Variants in PLCZ1 observed in about 807,000 individuals in gnomAD.
PLCZ1 encodes phospholipase C zeta 1.
Under a neutral mutation model 76.8 loss-of-function variants are expected in PLCZ1, and 64 were observed. The observed-to-expected ratio is 0.83, with a 90% CI of 0.68 to 1.03. The LOEUF is 1.03. Ranked by LOEUF, PLCZ1 falls within the 50% of genes least tolerant of loss-of-function variation. The pLI is 0.00. For missense variants in PLCZ1, 751 were observed against 713.7 expected, an observed-to-expected ratio of 1.05 and a Z score of -0.60; for synonymous variants, 248 against 230.8, an observed-to-expected ratio of 1.07 and a Z score of -0.68.
chr12:18,725,002 A>G (rs1005292433), intron 3 of PLCZ1, among the ~76,000 whole-genome samples: 1 of 152,174 alleles, frequency 6.6e-6, no homozygotes, highest in Admixed American at 6.6e-5. Context: ...TTCTTCTAAA[A>G]GGTCAAAGTT....
At chr12:18,724,325 C>A (rs113275203) in intron 3 of PLCZ1, among the ~76,000 whole-genome samples, 305 of 151,954 alleles carry the variant, frequency 2.0e-3, no homozygotes, top group African/African-American at 7.0e-3. Context: ...AAATTTTAGA[C>A]AAATGAGAGA....
At chr12:18,663,460 G>T in the PLCZ1 span, among the ~76,000 whole-genome samples, 3 of 152,022 alleles carry the variant, frequency 2.0e-5, no homozygotes, top group Non-Finnish European at 2.9e-5. Context: ...TACATAGGAG[G>T]ATATGCATAG....
At chr12:18,681,195 G>T (rs1248849902), downstream of PLCZ1, among the ~76,000 whole-genome samples, 1 of 151,846 alleles carries the variant, frequency 6.6e-6, no homozygotes, top group Non-Finnish European at 1.5e-5. Flanking sequence ...CTAAAGTCTG[G>T]CTGATAGTAC....
chr12:18,673,500 A>T, the PLCZ1 span, among the ~76,000 whole-genome samples: 2 of 152,300 alleles, frequency 1.3e-5, no homozygotes, highest in East Asian at 3.9e-4. Context: ...TGAACAAACG[A>T]ACAAGGCTAG....
rs964372593 is a variant in PLCZ1, at chr12:18,696,243, T to C, written c.1198A>G (p.Arg400Gly). The C allele has an allele frequency of 3.1e-6, 5 of 1,587,460 alleles. No homozygotes were observed. The African/African-American group carries it at 5.5e-5, about 18-fold the overall frequency. Reference protein sequence around the residue: ...LRVHEFIFHTRKFITRIYPKA... With the variant: ...LRVHEFIFHTGKFITRIYPKA... ...GGATATATTCTGGTAATGAACTTCCTGGTGTGAAAAATAAACTCATGGACT... is the reference window on the plus strand; with the variant it reads ...GGATATATTCTGGTAATGAACTTCCCGGTGTGAAAAATAAACTCATGGACT... Residue 400 changes from arginine to glycine, a missense_variant, in exon 11 of 15, where the codon AGG becomes GGG. Coordinates refer to ENST00000266505, the MANE Select transcript of PLCZ1 (RefSeq NM_033123.4).
chr12:18,706,262 A>C (rs1196267093), intron 6 of PLCZ1, among the ~76,000 whole-genome samples: 1 of 152,024 alleles, frequency 6.6e-6, no homozygotes, highest in Non-Finnish European at 1.5e-5. Context: ...AAAAAGAAGA[A>C]GACAGAGCTA....
At chr12:18,648,019 T>C in the PLCZ1 span, 4 of 1,590,284 alleles carry the variant, frequency 2.5e-6, no homozygotes, top group South Asian at 4.6e-5. Context: ...TAGGAAACAG[T>C]ATAATTTGAC....
At chr12:18,652,149 A>G in the PLCZ1 span, among the ~76,000 whole-genome samples, 1 of 152,128 alleles carries the variant, frequency 6.6e-6, no homozygotes, top group Admixed American at 6.6e-5. Flanking sequence ...GTACCTCAGA[A>G]TGTGAACTTA....
At chr12:18,664,080 AAAACC>A in the PLCZ1 span, among the ~76,000 whole-genome samples, 6 of 152,218 alleles carry the variant, frequency 3.9e-5, no homozygotes, top group Non-Finnish European at 5.9e-5. Context: ...GCTACTATCA[AAAACC>A]AAACCAGACA....
chr12:18,724,824 A>T (rs2150731159), intron 3 of PLCZ1, among the ~76,000 whole-genome samples: 1 of 152,266 alleles, frequency 6.6e-6, no homozygotes, highest in Non-Finnish European at 1.5e-5. Context: ...GTAATCCCTG[A>T]AAATTTTGGT....
rs1334320857 is a variant in PLCZ1 at position 18,699,817 on chromosome 12, G to C, written c.1151C>G (p.Ala384Gly). The C allele has an allele frequency of 1.2e-6, 2 of 1,613,292 alleles. No individual in the cohort carries two copies. Among genetic ancestry groups the C allele is most frequent in the South Asian group, 2.2e-5 (2 of 91,058 alleles). Residue 384 changes from alanine (A) to glycine (G), a missense_variant, in exon 10 of 15, where the codon GCC becomes GGC. By Grantham distance (60) the Ala-to-Gly change is moderately conservative. Transcript: ENST00000266505. ...ACCTCGCAATTTTGAAAGTTTTCGG[G>C]CTTGTGTCTCCCCAATAGAATTATT... Reference protein sequence around the residue: ...NENNSIGETQARKLSKLRVHE... With the variant: ...NENNSIGETQGRKLSKLRVHE...
chr12:18,710,154 C>T (rs1957119742), intron 6 of PLCZ1, among the ~76,000 whole-genome samples: 1 of 148,562 alleles, frequency 6.7e-6, no homozygotes, highest in African/African-American at 2.5e-5. Context: ...GAAAGCATTG[C>T]ATTTTGTCTC....
chr12:18,664,659 A>G, the PLCZ1 span, among the ~76,000 whole-genome samples: 4 of 152,128 alleles, frequency 2.6e-5, no homozygotes, highest in African/African-American at 9.6e-5. Flanking sequence ...ATTATTGGGT[A>G]TATACCCAAA....
At chr12:18,671,535 T>A in the PLCZ1 span, among the ~76,000 whole-genome samples, 2 of 152,276 alleles carry the variant, frequency 1.3e-5, no homozygotes, top group East Asian at 3.9e-4. Flanking sequence ...ACCACCCATG[T>A]GTGGCTACTC....
At chr12:18,721,900 G>T (rs2137535847) in intron 4 of PLCZ1, among the ~76,000 whole-genome samples, 1 of 151,972 alleles carries the variant, frequency 6.6e-6, no homozygotes. Flanking sequence ...CAAAATCTTT[G>T]CATGGCACTG....
chr12:18,705,294 G>C lies in PLCZ1; in HGVS notation c.736C>G (p.Leu246Val). Residue 246 changes from leucine to valine, a missense_variant, in exon 7 of 15, where the codon CTC becomes GTC. Transcript: ENST00000266505. ...AFMTSDYPVV[L>V]SLENHCSTAQ... is the part of the protein sequence containing the mutation. ...GTGGAGCAGTGATTTTCTAAAGAGA[G>C]CACCACTGGGTAGTCAGATGTCTAA... The C allele has an allele frequency of 6.2e-7, 1 of 1,614,036 alleles. No homozygotes were observed. Among genetic ancestry groups the C allele is most frequent in the Non-Finnish European group, 8.5e-7 (1 of 1,179,998 alleles).
chr12:18,656,883 A>G, the PLCZ1 span, among the ~76,000 whole-genome samples: 1 of 152,228 alleles, frequency 6.6e-6, no homozygotes, highest in Non-Finnish European at 1.5e-5. Flanking sequence ...GTTAAATTTC[A>G]GTAAGAGAGA....
At chr12:18,684,316 A>G (rs1270605490) in intron 13 of PLCZ1, 37 bp from the exon 14 acceptor site, 1 of 1,554,548 alleles carries the variant, frequency 6.4e-7, no homozygotes, top group Non-Finnish European at 8.8e-7. Flanking sequence ...AGAATAATAG[A>G]TACCATATCT....
chr12:18,714,236 A>G (rs191325381), intron 5 of PLCZ1, among the ~76,000 whole-genome samples: 35 of 152,300 alleles, frequency 2.3e-4, no homozygotes, highest in Middle Eastern at 3.4e-3. Context: ...TCACAGACAC[A>G]TACAAAGAGT....
Sources: allele counts gnomAD v4.1 joint callset (sites outside exome capture counted in the v4.1 genomes callset), GRCh38; gene constraint gnomAD v4.1.1; transcripts MANE v1.5; gene names NCBI Gene and HGNC (gene_info 2026-07-23, HGNC 2026-07-21).